The following DHRSX variants were observed in gnomAD, a reference collection of about 807,000 sequenced individuals.
DHRSX encodes dehydrogenase/reductase X-linked, also known as polyprenol dehydrogenase.
Under a neutral mutation model 34.0 loss-of-function variants are expected in DHRSX, and 31 were observed. That is an observed-to-expected ratio of 0.91 (90% CI 0.69 to 1.23). DHRSX has a LOEUF of 1.23. DHRSX is among the 50% of genes most tolerant of loss of function. The pLI is 0.00. For synonymous variants in DHRSX, 201 were observed against 183.8 expected (o/e 1.09, Z -0.76); for missense variants, 414 against 428.1 (o/e 0.97, Z 0.29).
intron 3 of DHRSX, among the ~76,000 whole-genome samples, chrX:2,407,762 A>T (rs1205058725): frequency 6.6e-6 from 1 of 152,082 alleles, no homozygotes; most frequent in Non-Finnish European, 1.5e-5. Context: ...AATAACAGAG[A>T]CTGGAGACTC....
intron 1 of DHRSX, among the ~76,000 whole-genome samples, chrX:2,452,916 A>G (rs2044245220): frequency 6.6e-6 from 1 of 152,352 alleles, no homozygotes; most frequent in African/African-American, 2.4e-5. Context: ...TCAATGGGAT[A>G]CCTGCCCCAC....
At chrX:2,313,051 G>A (rs1355486991) in intron 3 of DHRSX, among the ~76,000 whole-genome samples, 1 of 150,880 alleles carries the variant, frequency 6.6e-6, no homozygotes, top group African/African-American at 2.4e-5. Context: ...TGCCCAGGCT[G>A]GAGTGCAGTG....
At chrX:2,430,357 G>T (rs2043903166) in intron 1 of DHRSX, among the ~76,000 whole-genome samples, 2 of 151,764 alleles carry the variant, frequency 1.3e-5, no homozygotes, top group South Asian at 4.2e-4. Flanking sequence ...GGACCAGGAA[G>T]CTGGCATTGG....
chrX:2,341,083 T>C (rs1464644098), intron 3 of DHRSX, among the ~76,000 whole-genome samples: 1 of 152,036 alleles, frequency 6.6e-6, no homozygotes, highest in African/African-American at 2.4e-5. Flanking sequence ...TTTGCGATCC[T>C]GGGAAGTTAG....
At chrX:2,276,333 G>T (rs758923222) in intron 4 of DHRSX, among the ~76,000 whole-genome samples, 1 of 152,174 alleles carries the variant, frequency 6.6e-6, no homozygotes, top group Non-Finnish European at 1.5e-5. Flanking sequence ...TGCCGTCCAC[G>T]TTAGGAGCAT....
chrX:2,488,468 C>T, intron 1 of DHRSX: 1 of 947,790 alleles, frequency 1.1e-6, no homozygotes, highest in Non-Finnish European at 1.5e-6. Flanking sequence ...AGCCACCGCC[C>T]CCGACCCTCT....
chrX:2,359,620 GA>G (rs2042902816), intron 3 of DHRSX, among the ~76,000 whole-genome samples: 1 of 151,990 alleles, frequency 6.6e-6, no homozygotes, highest in Non-Finnish European at 1.5e-5. Context: ...AGCTGAGGCA[GA>G]GGAATTTTCA....
intron 1 of DHRSX, among the ~76,000 whole-genome samples, chrX:2,469,371 ACCG>A (rs1389799126): frequency 6.6e-6 from 1 of 150,914 alleles, no homozygotes; most frequent in Admixed American, 6.6e-5. Context: ...CAGCCAAGGG[ACCG>A]CCGCCATGTA....
Position 2,307,251 on chromosome X carries a change from A to C in DHRSX, c.287-15648T>G, listed in dbSNP as rs141840729. Reference sequence around the variant, plus strand: ...CCACTTGTTCTCAATTATACATAGGAGCTAAACATTGAATAATCAGGCATA... The same window carrying C: ...CCACTTGTTCTCAATTATACATAGGCGCTAAACATTGAATAATCAGGCATA... On this transcript the variant is annotated intron_variant, in intron 3 of 6. Coordinates refer to ENST00000334651, the MANE Select transcript of DHRSX (RefSeq NM_145177.3). 9.3e-3 allele frequency among the ~76,000 whole-genome samples: 1,420 copies of C among 152,276 alleles called. 19 individuals carry two copies. The highest frequency in any genetic ancestry group is 0.029 in the African/African-American group (1,222 of 41,546).
At chrX:2,386,192 T>C (rs2043269909) in intron 3 of DHRSX, among the ~76,000 whole-genome samples, 1 of 132,412 alleles carries the variant, frequency 7.6e-6, no homozygotes, top group South Asian at 2.6e-4. Flanking sequence ...TATTTATTTA[T>C]TTATTTTGTG....
intron 6 of DHRSX, among the ~76,000 whole-genome samples, chrX:2,240,573 A>C (rs1332827759): frequency 6.6e-6 from 1 of 151,852 alleles, no homozygotes; most frequent in African/African-American, 2.4e-5. Context: ...AAAGCTGTCT[A>C]AACTGACTCA....
At chrX:2,346,279 C>T (rs1326031493) in intron 3 of DHRSX, among the ~76,000 whole-genome samples, 2 of 152,152 alleles carry the variant, frequency 1.3e-5, no homozygotes, top group African/African-American at 4.8e-5. Context: ...CCATCTTCCC[C>T]TGACTGTGAA....
chrX:2,459,550 G>GTATATATATATATATATATATA (rs57748851), intron 1 of DHRSX, among the ~76,000 whole-genome samples: 1 of 137,786 alleles, frequency 7.3e-6, no homozygotes, highest in Non-Finnish European at 1.6e-5. Context: ...GTGTCTGTGT[G>GTATATATATATATATATATATA]TATATATATA....
chrX:2,472,822 C>G (rs779345371), intron 1 of DHRSX, among the ~76,000 whole-genome samples: 2 of 152,222 alleles, frequency 1.3e-5, no homozygotes, highest in East Asian at 3.9e-4. Flanking sequence ...GAATATTTTA[C>G]TGAATTTTTT....
chrX:2,391,890 G>C (rs2043339289), intron 3 of DHRSX, among the ~76,000 whole-genome samples: 1 of 151,956 alleles, frequency 6.6e-6, no homozygotes, highest in African/African-American at 2.4e-5. Context: ...TTGCACCACT[G>C]CACTCCAGCC....
At chrX:2,461,200 G>A (rs760561083) in intron 1 of DHRSX, among the ~76,000 whole-genome samples, 6 of 152,254 alleles carry the variant, frequency 3.9e-5, no homozygotes, top group African/African-American at 9.6e-5. Context: ...TATTTGATAC[G>A]TTCTCAGAGT....
chrX:2,235,735 AG>A (rs1208844463), intron 6 of DHRSX, among the ~76,000 whole-genome samples: 28 of 41,402 alleles, frequency 6.8e-4, no homozygotes, highest in African/African-American at 2.5e-3. Context: ...AGAGCATCTC[AG>A]GGGAAAAAAA....
chrX:2,488,918 A>G, intron 1 of DHRSX: 2 of 1,603,142 alleles, frequency 1.2e-6, no homozygotes, highest in Non-Finnish European at 1.7e-6. Flanking sequence ...CACCTTGGGC[A>G]GCAGGGGGAA....
intron 1 of DHRSX, among the ~76,000 whole-genome samples, chrX:2,451,657 G>A (rs1376305708): frequency 1.3e-5 from 2 of 152,184 alleles, no homozygotes; most frequent in Non-Finnish European, 2.9e-5. Flanking sequence ...GTCTCTCACT[G>A]TGCCTGGGAC....
Sources: gnomAD v4.1 joint callset for allele counts (sites outside exome capture counted in the v4.1 genomes callset) on GRCh38, gnomAD v4.1.1 for gene constraint, MANE v1.5 for transcripts, NCBI Gene and HGNC (gene_info 2026-07-23, HGNC 2026-07-21) for gene names.